Variants in NUDT3 observed in about 807,000 individuals in gnomAD.
The protein encoded by NUDT3 is nudix hydrolase 3, also known as diphosphoinositol polyphosphate phosphohydrolase 1.
A neutral mutation model predicts 23.6 loss-of-function variants in NUDT3; 9 were observed. The observed-to-expected ratio is 0.38, with a 90% CI of 0.23 to 0.66. NUDT3 has a LOEUF of 0.66. Ranked by LOEUF, NUDT3 falls within the 30% of genes least tolerant of loss-of-function variation. NUDT3 has a pLI of 0.52. For synonymous variants in NUDT3, 86 were observed against 82.6 expected, an observed-to-expected ratio of 1.04 and a Z score of -0.22; for missense variants, 172 against 218.5, an observed-to-expected ratio of 0.79 and a Z score of 1.34.
chr6:34,387,913 T>C (rs2113773098), intron 1 of NUDT3, among the ~76,000 whole-genome samples: 1 of 152,298 alleles, frequency 6.6e-6, no homozygotes, highest in East Asian at 1.9e-4. Context: ...TAGTGTACAG[T>C]AATGCCCTAG....
intron 1 of NUDT3, among the ~76,000 whole-genome samples, chr6:34,390,679 AAC>A (rs955602498): frequency 2.6e-5 from 4 of 151,958 alleles, no homozygotes; most frequent in African/African-American, 9.7e-5. Context: ...TTTTAAAACA[AAC>A]AGTCTTGCAT....
intron 1 of NUDT3, among the ~76,000 whole-genome samples, chr6:34,360,548 G>A (rs916573649): frequency 6.6e-6 from 1 of 152,108 alleles, no homozygotes; most frequent in African/African-American, 2.4e-5. Context: ...GTGCCACTAG[G>A]CGACAGAGCA....
At chr6:34,355,375 T>C (rs1239338420) in intron 1 of NUDT3, among the ~76,000 whole-genome samples, 1 of 152,092 alleles carries the variant, frequency 6.6e-6, no homozygotes, top group African/African-American at 2.4e-5. Context: ...TTGGAATAAA[T>C]CACAGTTAGT....
intron 4 of NUDT3, among the ~76,000 whole-genome samples, chr6:34,292,297 A>G (rs1159933896): frequency 6.6e-6 from 1 of 152,228 alleles, no homozygotes; most frequent in Non-Finnish European, 1.5e-5. Flanking sequence ...TGTGAGGGGC[A>G]TGGCGGCAAG....
chr6:34,304,146 G>A (rs1763640041), intron 2 of NUDT3, among the ~76,000 whole-genome samples: 1 of 151,808 alleles, frequency 6.6e-6, no homozygotes, highest in Non-Finnish European at 1.5e-5. Context: ...CCAGCTACTC[G>A]GGAGGCTGAA....
At chr6:34,374,385 A>G (rs899487984) in intron 1 of NUDT3, among the ~76,000 whole-genome samples, 1 of 152,148 alleles carries the variant, frequency 6.6e-6, no homozygotes, top group Non-Finnish European at 1.5e-5. Context: ...CTATAACTTC[A>G]GGTCTTCCTC....
At position 34,370,759 on chromosome 6, in the gene NUDT3, AGTT is replaced by A. The variant is rs528738104; in HGVS notation, c.99+21502_99+21504del. On this transcript the variant is annotated intron_variant, in intron 1 of 4. Transcript: ENST00000607016. Reference sequence around the variant, plus strand: ...AAAACATAAACACGATTTTTGTTATAGTTGTTGTACTGTTGATGACAATCACCA... The same window carrying A: ...AAAACATAAACACGATTTTTGTTATAGTTGTACTGTTGATGACAATCACCA... Among the ~76,000 whole-genome samples the A allele has an allele frequency of 2.0e-3, 310 of 152,324 alleles. 3 individuals carry two copies. The highest frequency in any genetic ancestry group is 7.1e-3 in the African/African-American group (296 of 41,582).
intron 1 of NUDT3, among the ~76,000 whole-genome samples, chr6:34,371,443 C>T (rs1360714248): frequency 4.0e-5 from 6 of 151,318 alleles, no homozygotes; most frequent in African/African-American, 1.5e-4. Flanking sequence ...TCCAGCCTGG[C>T]AACACAGCAA....
chr6:34,366,888 C>T (rs1389188163), intron 1 of NUDT3, among the ~76,000 whole-genome samples: 1 of 151,726 alleles, frequency 6.6e-6, no homozygotes, highest in African/African-American at 2.4e-5. Flanking sequence ...ATATATTTTA[C>T]CACAATTAAA....
At chr6:34,370,785 C>T (rs911932668) in intron 1 of NUDT3, among the ~76,000 whole-genome samples, 3 of 152,106 alleles carry the variant, frequency 2.0e-5, no homozygotes, top group Non-Finnish European at 4.4e-5. Flanking sequence ...ATGACAATCA[C>T]CAACAAATAA....
chr6:34,347,825 G>C (rs1348135531), intron 1 of NUDT3, among the ~76,000 whole-genome samples: 2 of 151,996 alleles, frequency 1.3e-5, no homozygotes, highest in Non-Finnish European at 1.5e-5. Context: ...GGATACCACA[G>C]TGATAATGAA....
Position 34,378,365 on chromosome 6 carries a change from C to T in NUDT3, c.99+13899G>A, listed in dbSNP as rs561713378. On this transcript the variant is annotated intron_variant, in intron 1 of 4. Transcript: ENST00000607016. ...AAATAAAATGAAAAGCTCTCCCACA[C>T]ACAAAAAAACTTCTGACTCAACATG... Among the ~76,000 whole-genome samples, 19 of 152,228 alleles carry T rather than the reference C, an allele frequency of 1.2e-4. No homozygotes were observed. The South Asian group carries it at 3.7e-3, about 30-fold the overall frequency.
intron 4 of NUDT3, among the ~76,000 whole-genome samples, chr6:34,291,708 G>A (rs113253471): frequency 1.3e-4 from 19 of 151,982 alleles, no homozygotes; most frequent in Non-Finnish European, 2.6e-4. Flanking sequence ...TCACCATGTT[G>A]GCCAGGCTGG....
At chr6:34,320,883 G>C (rs1485705001) in intron 2 of NUDT3, among the ~76,000 whole-genome samples, 1 of 152,012 alleles carries the variant, frequency 6.6e-6, no homozygotes, top group African/African-American at 2.4e-5. Flanking sequence ...AAACACACTT[G>C]AAATTTACAT....
chr6:34,337,026 A>AT (rs1344542141), intron 2 of NUDT3, among the ~76,000 whole-genome samples: 2 of 152,222 alleles, frequency 1.3e-5, no homozygotes, highest in African/African-American at 2.4e-5. Context: ...TTCAAGTCTA[A>AT]TTCTCTGTTG....
rs1016310434 is a variant in NUDT3 at position 34,390,459 on chromosome 6, G to A, written c.99+1805C>T. On this transcript the variant is annotated intron_variant, in intron 1 of 4. Transcript: ENST00000607016. ...TTAACAGAAAATGGAAAATTAAGCC[G>A]TTGCTAGTTTGCTTATGATCTATAG... Among the ~76,000 whole-genome samples, 10 of 152,062 alleles carry A rather than the reference G, an allele frequency of 6.6e-5. No homozygotes were observed. The East Asian group carries it at 7.7e-4, about 12-fold the overall frequency.
At chr6:34,368,323 C>G (rs1764771709) in intron 1 of NUDT3, among the ~76,000 whole-genome samples, 1 of 152,214 alleles carries the variant, frequency 6.6e-6, no homozygotes, top group African/African-American at 2.4e-5. Flanking sequence ...TACCAAGTAG[C>G]TGGAGCCTGA....
chr6:34,335,499 A>G (rs1054078853), intron 2 of NUDT3, among the ~76,000 whole-genome samples: 1 of 152,114 alleles, frequency 6.6e-6, no homozygotes, highest in African/African-American at 2.4e-5. Context: ...TAAGGAGACC[A>G]AACATAATCT....
At chr6:34,317,981 T>TA (rs1468056916) in intron 2 of NUDT3, among the ~76,000 whole-genome samples, 1 of 152,086 alleles carries the variant, frequency 6.6e-6, no homozygotes, top group African/African-American at 2.4e-5. Flanking sequence ...TAATTTAAAT[T>TA]AAAAAAATTA....
Sources: allele counts gnomAD v4.1 joint callset (sites outside exome capture counted in the v4.1 genomes callset), GRCh38; gene constraint gnomAD v4.1.1; transcripts MANE v1.5; gene names NCBI Gene and HGNC (gene_info 2026-07-23, HGNC 2026-07-21).